The following FOXP2 variants were observed in gnomAD, a reference collection of about 807,000 sequenced individuals.
FOXP2 encodes the protein forkhead box protein P2.
FOXP2 carries 12 observed loss-of-function variants against 115.8 expected under a neutral mutation model. That is an observed-to-expected ratio of 0.10 (90% CI 0.07 to 0.17). The LOEUF is 0.17. Among genes scored for constraint, FOXP2 ranks in the 10% least tolerant of loss-of-function variants. FOXP2 has a pLI of 1.00. For synonymous variants in FOXP2, 328 were observed against 297.7 expected (o/e 1.10, Z -1.05); for missense variants, 629 against 843.5 (o/e 0.75, Z 3.15).
chr7:114,297,090 G>T, intron 2 of FOXP2: 1 of 422,118 alleles, frequency 2.4e-6, no homozygotes, highest in Non-Finnish European at 4.7e-6. Context: ...CTTTATTTCA[G>T]GGAGAGGGCA....
At chr7:114,175,532 TTAG>T in intron 1 of FOXP2, among the ~76,000 whole-genome samples, 1 of 152,204 alleles carries the variant, frequency 6.6e-6, no homozygotes. Context: ...TCTTAAATGT[TTAG>T]TGATTTTATT....
intron 1 of FOXP2, among the ~76,000 whole-genome samples, chr7:114,129,104 G>A (rs185564459): frequency 2.6e-5 from 4 of 152,142 alleles, no homozygotes; most frequent in Admixed American, 2.6e-4. Flanking sequence ...ATTCAGGAAA[G>A]TGAAGAGAAA....
intron 1 of FOXP2, among the ~76,000 whole-genome samples, chr7:114,157,504 A>G (rs1438189992): frequency 1.3e-5 from 2 of 152,154 alleles, no homozygotes; most frequent in Admixed American, 1.3e-4. Flanking sequence ...GTTTGATTCT[A>G]GAATGTAGAG....
chr7:114,605,692 A>G (rs1803281267), intron 3 of FOXP2, among the ~76,000 whole-genome samples: 1 of 152,160 alleles, frequency 6.6e-6, no homozygotes. Flanking sequence ...AGATTAAAAA[A>G]CTAACCTGGT....
chr7:114,678,546 T>TA (rs1295224036), intron 16 of FOXP2, among the ~76,000 whole-genome samples: 123 of 123,796 alleles, frequency 9.9e-4, no homozygotes, highest in African/African-American at 3.0e-3. Context: ...AATAAGTGAC[T>TA]CTTTTTTTTT....
intron 1 of FOXP2, among the ~76,000 whole-genome samples, chr7:114,280,766 G>A (rs1796315742): frequency 6.6e-6 from 1 of 152,052 alleles, no homozygotes; most frequent in South Asian, 2.1e-4. Flanking sequence ...AAGGGTATTA[G>A]GTTGTGATTC....
At chr7:114,248,403 A>G (rs1325506777) in intron 1 of FOXP2, among the ~76,000 whole-genome samples, 1 of 152,194 alleles carries the variant, frequency 6.6e-6, no homozygotes, top group African/African-American at 2.4e-5. Context: ...TGGGCACCTC[A>G]TGGCCCAGTC....
At chr7:114,510,488 T>G (rs762687873) in intron 2 of FOXP2, among the ~76,000 whole-genome samples, 1 of 152,208 alleles carries the variant, frequency 6.6e-6, no homozygotes, top group Admixed American at 6.5e-5. Context: ...TAACTGTTGC[T>G]TCTGTGAAAG....
At chr7:114,271,305 C>A (rs976482234) in intron 1 of FOXP2, among the ~76,000 whole-genome samples, 4 of 150,292 alleles carry the variant, frequency 2.7e-5, no homozygotes, top group African/African-American at 9.8e-5. Context: ...GCTAGAACTT[C>A]CAATAAACTG....
chr7:114,262,886 C>A (rs2129171553), intron 1 of FOXP2, among the ~76,000 whole-genome samples: 1 of 152,144 alleles, frequency 6.6e-6, no homozygotes, highest in Non-Finnish European at 1.5e-5. Flanking sequence ...TTCTACTTTT[C>A]TTTTTACCTT....
intron 3 of FOXP2, among the ~76,000 whole-genome samples, chr7:114,573,743 A>G: frequency 6.6e-6 from 1 of 151,894 alleles, no homozygotes; most frequent in East Asian, 1.9e-4. Context: ...TAATTCACTT[A>G]AAAAATAAAA....
At chr7:114,473,897 C>G (rs1796149946) in intron 2 of FOXP2, among the ~76,000 whole-genome samples, 2 of 151,550 alleles carry the variant, frequency 1.3e-5, no homozygotes, top group African/African-American at 4.9e-5. Context: ...AAAAAAAAAG[C>G]TTTTCACTGA....
Position 114,534,604 on chromosome 7 carries a change from T to C in FOXP2, c.169-13T>C. On this transcript the variant is annotated splice_polypyrimidine_tract_variant and intron_variant, in intron 2 of 16. Coordinates refer to ENST00000350908, the MANE Select transcript of FOXP2 (RefSeq NM_014491.4). Reference sequence around the variant, plus strand: ...AACAAAATATTTAGATAAGGTTTCATTTTTACTTCTAGGCTCTCCAGGCAG... The same window carrying C: ...AACAAAATATTTAGATAAGGTTTCACTTTTACTTCTAGGCTCTCCAGGCAG... 1 of 1,609,596 alleles carries C rather than the reference T, an allele frequency of 6.2e-7. No homozygotes were observed.
chr7:114,494,906 T>C (rs1234796866), intron 2 of FOXP2, among the ~76,000 whole-genome samples: 1 of 152,222 alleles, frequency 6.6e-6, no homozygotes, highest in African/African-American at 2.4e-5. Context: ...AGTTTTGTTT[T>C]ACTTTAGTTT....
intron 16 of FOXP2, among the ~76,000 whole-genome samples, chr7:114,675,272 G>T (rs760396491): frequency 1.3e-5 from 2 of 151,722 alleles, no homozygotes; most frequent in Non-Finnish European, 2.9e-5. Flanking sequence ...CTTCCTAAAT[G>T]AGCGTCAGTT....
intron 1 of FOXP2, among the ~76,000 whole-genome samples, chr7:114,425,281 T>G (rs1011942359): frequency 4.6e-5 from 7 of 151,582 alleles, no homozygotes; most frequent in African/African-American, 1.7e-4. Flanking sequence ...TACTGTCCTT[T>G]AGGGTAAGTC....
intron 16 of FOXP2, among the ~76,000 whole-genome samples, chr7:114,678,446 A>C (rs560320271): frequency 1.3e-5 from 2 of 149,534 alleles, no homozygotes; most frequent in South Asian, 4.3e-4. Flanking sequence ...TTTACCAATT[A>C]TTTGGAGATG....
chr7:114,652,165 T>A, intron 8 of FOXP2, 38 bp from the exon 9 acceptor site: 1 of 1,593,840 alleles, frequency 6.3e-7, no homozygotes, highest in Non-Finnish European at 8.6e-7. Flanking sequence ...AAGATCGACA[T>A]CACTTTACAT....
At chr7:114,279,302 T>A (rs1796270454) in intron 1 of FOXP2, among the ~76,000 whole-genome samples, 1 of 152,128 alleles carries the variant, frequency 6.6e-6, no homozygotes, top group Admixed American at 6.6e-5. Flanking sequence ...ACTACAGACT[T>A]CACAAAGAAA....
Sources: allele counts gnomAD v4.1 joint callset (sites outside exome capture counted in the v4.1 genomes callset), GRCh38; gene constraint gnomAD v4.1.1; transcripts MANE v1.5; gene names NCBI Gene and HGNC (gene_info 2026-07-23, HGNC 2026-07-21).